PSMB7: variants seen among roughly 807,000 people sequenced by gnomAD.
The protein encoded by PSMB7 is proteasome 20S subunit beta 7.
A neutral mutation model predicts 28.1 loss-of-function variants in PSMB7; 5 were observed. The observed-to-expected ratio is 0.18, with a 90% CI of 0.09 to 0.37. The LOEUF (loss-of-function observed/expected upper bound fraction) is 0.37. Among genes scored for constraint, PSMB7 ranks in the 10% least tolerant of loss-of-function variants. PSMB7 has a pLI of 1.00. For synonymous variants in PSMB7, 122 were observed against 123.7 expected, an observed-to-expected ratio of 0.99 and a Z score of 0.09; for missense variants, 275 against 346.2, an observed-to-expected ratio of 0.79 and a Z score of 1.63.
In PSMB7 at chr9:124,356,725, G is replaced by A. The variant is rs776189894; in HGVS notation, c.722+39C>T. On this transcript the variant is annotated intron_variant, in intron 7 of 7. Coordinates refer to ENST00000259457, the MANE Select transcript of PSMB7 (RefSeq NM_002799.4). This position sits in a 1 kb window ranked among gnomAD's most constrained non-coding sequence, Gnocchi z 4.4. ...TGGAGATACCAAGGGTGGCCACGAC[G>A]CCAGGGGACCCAGGAAGAACTTCGT... 35 of 1,593,468 alleles carry A rather than the reference G, an allele frequency of 2.2e-5. No homozygotes were observed. In the South Asian group the frequency reaches 3.0e-4, roughly 14 times the overall value.
intron 3 of PSMB7, among the ~76,000 whole-genome samples, chr9:124,413,241 GC>G (rs1831048955): frequency 6.8e-6 from 1 of 147,860 alleles, no homozygotes; most frequent in South Asian, 2.1e-4. Context: ...CACTCTACAA[GC>G]AGAGAAGGCA....
chr9:124,390,068 G>A (rs921380031), intron 5 of PSMB7, among the ~76,000 whole-genome samples: 7 of 152,308 alleles, frequency 4.6e-5, no homozygotes, highest in East Asian at 3.9e-4. Flanking sequence ...AGTAGTTTAC[G>A]AAAGAGAAAA....
At chr9:124,380,303 G>T (rs1830652055) in intron 6 of PSMB7, among the ~76,000 whole-genome samples, 1 of 152,082 alleles carries the variant, frequency 6.6e-6, no homozygotes, top group Admixed American at 6.5e-5. Flanking sequence ...AAAAATATAG[G>T]CTGGCCATGG....
chr9:124,415,336 C>A (rs755656990), intron 1 of PSMB7, 28 bp downstream of exon 1: 1 of 1,611,952 alleles, frequency 6.2e-7, no homozygotes. Flanking sequence ...TTCTCCCTCC[C>A]TGAACCAAGC....
At chr9:124,410,452 G>A (rs1023465231) in intron 4 of PSMB7, among the ~76,000 whole-genome samples, 2 of 151,944 alleles carry the variant, frequency 1.3e-5, no homozygotes, top group Non-Finnish European at 2.9e-5. Context: ...TAGACACATC[G>A]TGTAGAAAAA....
At chr9:124,410,611 T>C (rs1351872309) in intron 4 of PSMB7, among the ~76,000 whole-genome samples, 2 of 152,218 alleles carry the variant, frequency 1.3e-5, no homozygotes, top group African/African-American at 4.8e-5. Context: ...GAGAATTTGG[T>C]TGGCAATAAT....
At chr9:124,359,446 A>C (rs1209289093) in intron 6 of PSMB7, among the ~76,000 whole-genome samples, 3 of 152,160 alleles carry the variant, frequency 2.0e-5, no homozygotes, top group East Asian at 3.8e-4. Flanking sequence ...CATCATGTTC[A>C]CCCCTGCCCC....
chr9:124,379,907 T>C (rs1306970342), intron 6 of PSMB7, among the ~76,000 whole-genome samples: 8 of 152,244 alleles, frequency 5.3e-5, no homozygotes, highest in Admixed American at 5.2e-4. Flanking sequence ...AGGGTTATCC[T>C]ACTGTCTCAA....
chr9:124,353,725 CA>C lies in PSMB7; in HGVS notation c.723-17del, dbSNP rs1255026125. Reference sequence around the variant, plus strand: ...CCGGCCAAGCCTAGTAAGAGAAAAACAAAAGCACAGAGTTAGGATTCTCCTC... The same window carrying C: ...CCGGCCAAGCCTAGTAAGAGAAAAACAAAGCACAGAGTTAGGATTCTCCTC... On this transcript the variant is annotated splice_polypyrimidine_tract_variant and intron_variant, in intron 7 of 7. Transcript: ENST00000259457. 6.4e-7 allele frequency: 1 copy of C among 1,570,166 alleles called. No homozygotes were observed. Among genetic ancestry groups the C allele is most frequent in the Non-Finnish European group, 8.8e-7 (1 of 1,140,028 alleles).
intron 5 of PSMB7, among the ~76,000 whole-genome samples, chr9:124,401,332 C>T (rs1830904412): frequency 6.6e-6 from 1 of 152,238 alleles, no homozygotes; most frequent in Non-Finnish European, 1.5e-5. Context: ...TTCTTTTCCT[C>T]TGGGGCACTT....
At chr9:124,401,550 T>C (rs1179131114) in intron 5 of PSMB7, among the ~76,000 whole-genome samples, 3 of 152,200 alleles carry the variant, frequency 2.0e-5, no homozygotes, top group East Asian at 1.9e-4. Context: ...TCAAGTGAAG[T>C]TCTTCCTGAA....
At chr9:124,396,612 G>A (rs931382333) in intron 5 of PSMB7, 4 of 363,424 alleles carry the variant, frequency 1.1e-5, no homozygotes, top group African/African-American at 8.5e-5. Context: ...TTTCCTAATG[G>A]TGCATAGCAA....
chr9:124,384,809 TA>T (rs1188699475), intron 5 of PSMB7, among the ~76,000 whole-genome samples, 153 bp from the exon 6 acceptor site: 2 of 152,164 alleles, frequency 1.3e-5, no homozygotes, highest in Admixed American at 6.5e-5. Context: ...ATAAACCAGG[TA>T]AAAACAGTGC....
intron 5 of PSMB7, among the ~76,000 whole-genome samples, chr9:124,391,606 T>A (rs2131167437): frequency 6.6e-6 from 1 of 151,638 alleles, no homozygotes; most frequent in Admixed American, 6.6e-5. Flanking sequence ...GCCACTCAAG[T>A]ATCTGTTATA....
In PSMB7 at chr9:124,377,228, G is replaced by A. The variant is rs535806192; in HGVS notation, c.570+7370C>T. Among the ~76,000 whole-genome samples the A allele has an allele frequency of 1.1e-4, 17 of 152,248 alleles. 1 individual carries two copies. Among genetic ancestry groups the A allele is most frequent in the African/African-American group, 3.4e-4 (14 of 41,546 alleles). On this transcript the variant is annotated intron_variant, in intron 6 of 7. Coordinates refer to ENST00000259457, the MANE Select transcript of PSMB7 (RefSeq NM_002799.4). ...GTGCAGGCAGGTCTCTGTTCCGATC[G>A]CACAGACAAGGATGCCCCTCTTCCC...
At chr9:124,395,653 T>TA (rs2131170275) in intron 5 of PSMB7, among the ~76,000 whole-genome samples, 1 of 152,142 alleles carries the variant, frequency 6.6e-6, no homozygotes, top group East Asian at 1.9e-4. Context: ...CGTGCACACA[T>TA]AAAACGCGAC....
chr9:124,389,696 A>G (rs1318282038), intron 5 of PSMB7, among the ~76,000 whole-genome samples: 1 of 152,152 alleles, frequency 6.6e-6, no homozygotes, highest in Admixed American at 6.5e-5. Flanking sequence ...TGCTCCAGCT[A>G]GGTCCTCATT....
At chr9:124,362,201 A>C (rs80150766) in intron 6 of PSMB7, among the ~76,000 whole-genome samples, 347 of 152,390 alleles carry the variant, frequency 2.3e-3, no homozygotes, top group Non-Finnish European at 4.4e-3. Context: ...TAAAATTTTT[A>C]AAATAATTTA....
intron 4 of PSMB7, among the ~76,000 whole-genome samples, chr9:124,408,182 T>C (rs1212701001): frequency 6.6e-6 from 1 of 152,120 alleles, no homozygotes; most frequent in African/African-American, 2.4e-5. Flanking sequence ...AAAGAGACCC[T>C]ATCTAAACTA....
Sources: gnomAD v4.1 joint callset for allele counts (sites outside exome capture counted in the v4.1 genomes callset) on GRCh38, gnomAD v4.1.1 for gene constraint, Gnocchi (gnomAD v3.1) non-coding constraint, MANE v1.5 for transcripts, NCBI Gene and HGNC (gene_info 2026-07-23, HGNC 2026-07-21) for gene names.